The following SHANK2 variants were observed in gnomAD, a reference collection of about 807,000 sequenced individuals.
SHANK2 encodes the protein SH3 and multiple ankyrin repeat domains protein 2.
A neutral mutation model predicts 133.7 loss-of-function variants in SHANK2; 43 were observed. The observed-to-expected ratio is 0.32, with a 90% CI of 0.25 to 0.41. The LOEUF is 0.41. SHANK2 is among the 10% of genes least tolerant of loss of function. The probability of loss-of-function intolerance (pLI) is 1.00; values close to 1 mark genes in which losing one functional copy is unlikely to be tolerated. For synonymous variants in SHANK2, 1,017 were observed against 952.8 expected, an observed-to-expected ratio of 1.07 and a Z score of -1.24; for missense variants, 1,994 against 2,235.8, an observed-to-expected ratio of 0.89 and a Z score of 2.18.
At position 70,471,128 on chromosome 11, in the gene SHANK2, C is replaced by G. The variant is rs1467179140; in HGVS notation, c.*1741G>C. On this transcript the variant is annotated 3_prime_UTR_variant, in exon 26 of 26. Coordinates refer to ENST00000601538, the MANE Select transcript of SHANK2 (RefSeq NM_012309.5). The surrounding 1 kb of genome is among the most constrained non-coding windows in gnomAD (Gnocchi z 4.1). Reference sequence around the variant, plus strand: ...GCACAAAGGCTGCCTAGTAGACCAGCCACTTTTTTTTCTTAAAATATTGTG... The same window carrying G: ...GCACAAAGGCTGCCTAGTAGACCAGGCACTTTTTTTTCTTAAAATATTGTG... 2.5e-6 allele frequency: 1 copy of G among 397,396 alleles called. No individual in the cohort carries two copies. Among genetic ancestry groups the G allele is most frequent in the African/African-American group, 2.1e-5 (1 of 48,686 alleles). The allele number at this position is 397,396 out of a possible 1,614,324, so 24.6% of individuals were successfully genotyped here. A position where few individuals can be genotyped will look rare whatever the true frequency, so the allele number is the denominator to read the frequency against.
In SHANK2 at chr11:70,473,469, C is replaced by G. The variant is rs573239356; in HGVS notation, c.4980-30G>C. 1 of 1,597,752 alleles carries G rather than the reference C, an allele frequency of 6.3e-7. No homozygotes were observed. The highest frequency in any genetic ancestry group is 8.5e-7 in the Non-Finnish European group (1 of 1,178,234). On this transcript the variant is annotated intron_variant, in intron 25 of 25. Transcript: ENST00000601538. The surrounding 1 kb of genome is among the most constrained non-coding windows in gnomAD (Gnocchi z 5.9). ...AACAGCAACACAGAGAAAACCATCA[C>G]AAGGCAGGTCACCGAGTCAGGGCAG...
chr11:70,902,277 A>G (rs561257759), intron 10 of SHANK2, among the ~76,000 whole-genome samples: 1 of 152,314 alleles, frequency 6.6e-6, no homozygotes, highest in South Asian at 2.1e-4. Context: ...AAGGCCTTTT[A>G]TGGACATTTA....
chr11:70,629,746 C>T (rs1007060836), intron 17 of SHANK2, among the ~76,000 whole-genome samples: 1 of 152,128 alleles, frequency 6.6e-6, no homozygotes, highest in Non-Finnish European at 1.5e-5. Flanking sequence ...GCTGGATGAT[C>T]CTGGTGCCCT....
chr11:70,673,208 G>C lies in SHANK2; in HGVS notation c.1854-11530C>G, dbSNP rs564156652. Among the ~76,000 whole-genome samples, 3 of 152,054 alleles carry C rather than the reference G, an allele frequency of 2.0e-5. No homozygotes were observed. The East Asian group carries it at 5.8e-4, about 29-fold the overall frequency. Reference sequence around the variant, plus strand: ...AGGTCCAGGCAGCCTGCAGCGACAGGTTTGCCCAGGGCACATGCCTCCACT... The same window carrying C: ...AGGTCCAGGCAGCCTGCAGCGACAGCTTTGCCCAGGGCACATGCCTCCACT... On this transcript the variant is annotated intron_variant, in intron 15 of 25. Coordinates refer to ENST00000601538, the MANE Select transcript of SHANK2 (RefSeq NM_012309.5).
intron 17 of SHANK2, among the ~76,000 whole-genome samples, chr11:70,599,908 AAAG>A (rs2060462912): frequency 1.3e-4 from 4 of 30,680 alleles, no homozygotes; most frequent in African/African-American, 2.8e-4. Flanking sequence ...AAAGAAAGAG[AAAG>A]AAAGAAAGAA....
intron 14 of SHANK2, among the ~76,000 whole-genome samples, chr11:70,764,421 A>C (rs1947072380): frequency 6.7e-6 from 1 of 148,988 alleles, no homozygotes; most frequent in Non-Finnish European, 1.5e-5. Flanking sequence ...CCATCCATCC[A>C]CCCACCCATA....
intron 10 of SHANK2, among the ~76,000 whole-genome samples, chr11:70,954,405 T>G (rs552007967): frequency 6.6e-6 from 1 of 152,238 alleles, no homozygotes; most frequent in African/African-American, 2.4e-5. Flanking sequence ...GCACAGCCAC[T>G]GGCAGAGTGC....
At chr11:71,217,039 A>G (rs190705653) in intron 2 of SHANK2, among the ~76,000 whole-genome samples, 80 of 152,048 alleles carry the variant, frequency 5.3e-4, no homozygotes, top group African/African-American at 1.9e-3. Flanking sequence ...TCTACCAAAA[A>G]TACAAAATTA....
intron 11 of SHANK2, among the ~76,000 whole-genome samples, chr11:70,855,988 TG>T (rs1949163884): frequency 6.6e-6 from 1 of 151,596 alleles, no homozygotes; most frequent in Admixed American, 6.6e-5. Context: ...AATAGATGAA[TG>T]GATAGATGGA....
intron 17 of SHANK2, among the ~76,000 whole-genome samples, chr11:70,644,240 T>C (rs1451371433): frequency 6.6e-6 from 1 of 152,176 alleles, no homozygotes. Context: ...ACATTTACAG[T>C]GTGTGCAGCC....
intron 17 of SHANK2, among the ~76,000 whole-genome samples, chr11:70,586,947 G>C (rs1439342517): frequency 6.6e-6 from 1 of 152,110 alleles, no homozygotes; most frequent in Non-Finnish European, 1.5e-5. Flanking sequence ...CTCTCCCAGA[G>C]ACGACCTCAA....
At chr11:70,829,332 G>A (rs960004960) in intron 11 of SHANK2, among the ~76,000 whole-genome samples, 1 of 152,180 alleles carries the variant, frequency 6.6e-6, no homozygotes, top group African/African-American at 2.4e-5. Context: ...AGCGGCCACC[G>A]TCCGGTGCGT....
At chr11:70,863,558 G>T (rs782223935) in intron 11 of SHANK2, 2 of 458,040 alleles carry the variant, frequency 4.4e-6, no homozygotes, top group South Asian at 3.1e-5. Flanking sequence ...GGATCCCAGT[G>T]AAGGTACAAT....
At chr11:70,919,457 C>T (rs1950317602) in intron 10 of SHANK2, among the ~76,000 whole-genome samples, 1 of 151,924 alleles carries the variant, frequency 6.6e-6, no homozygotes, top group African/African-American at 2.4e-5. Flanking sequence ...TCTCGGCTCA[C>T]TGCAACCTCC....
At chr11:70,645,298 C>T (rs149570752) in intron 17 of SHANK2, among the ~76,000 whole-genome samples, 213 of 152,178 alleles carry the variant, frequency 1.4e-3, no homozygotes, top group Non-Finnish European at 2.0e-3. Flanking sequence ...CTGCTCAATG[C>T]CAGAATCCCG....
rs782619993 is a variant in SHANK2 at position 71,140,168 on chromosome 11, G to A, written c.207+6952C>T. On this transcript the variant is annotated intron_variant, in intron 3 of 25. Transcript: ENST00000601538. ...TTGTTGCTGAGAGCTCACACCCGGG[G>A]GATTTCTGGTTTCAGCCTCCAGGGG... Among the ~76,000 whole-genome samples the A allele has an allele frequency of 6.6e-5, 10 of 152,224 alleles. No homozygotes were observed. The East Asian group carries it at 1.5e-3, about 23-fold the overall frequency.
intron 10 of SHANK2, among the ~76,000 whole-genome samples, chr11:70,944,334 C>T (rs1426389114): frequency 6.6e-6 from 1 of 152,208 alleles, no homozygotes. Flanking sequence ...CAGGCCCGGC[C>T]CGGCCTCTGC....
intron 14 of SHANK2, among the ~76,000 whole-genome samples, chr11:70,709,392 A>G (rs1660519934): frequency 6.6e-6 from 1 of 152,188 alleles, no homozygotes; most frequent in South Asian, 2.1e-4. Context: ...GCAGGACCTT[A>G]GCTAATGCTG....
intron 17 of SHANK2, among the ~76,000 whole-genome samples, chr11:70,520,483 A>C (rs2059317067): frequency 6.6e-6 from 1 of 152,184 alleles, no homozygotes; most frequent in African/African-American, 2.4e-5. Flanking sequence ...GTAAAGAGCC[A>C]TTCCTGTCAC....
Sources: gnomAD v4.1 joint callset for allele counts (sites outside exome capture counted in the v4.1 genomes callset) on GRCh38, gnomAD v4.1.1 for gene constraint, Gnocchi (gnomAD v3.1) non-coding constraint, MANE v1.5 for transcripts, NCBI Gene and HGNC (gene_info 2026-07-23, HGNC 2026-07-21) for gene names.